The following EPHA6 variants were observed in gnomAD, a reference collection of about 807,000 sequenced individuals.
The protein encoded by EPHA6 is ephrin type-A receptor 6.
EPHA6 carries 50 observed loss-of-function variants against 112.0 expected under a neutral mutation model. The ratio of observed to expected loss-of-function variants is 0.45; its 90% CI spans 0.36 to 0.56. The LOEUF (loss-of-function observed/expected upper bound fraction) is 0.56. EPHA6 is among the 20% of genes least tolerant of loss of function. EPHA6 has a pLI of 0.00. For synonymous variants in EPHA6, 529 were observed against 490.7 expected, an observed-to-expected ratio of 1.08 and a Z score of -1.03; for missense variants, 1,280 against 1,417.4, an observed-to-expected ratio of 0.90 and a Z score of 1.56.
At chr3:97,380,345 T>C (rs1022010525) in intron 5 of EPHA6, among the ~76,000 whole-genome samples, 1 of 152,210 alleles carries the variant, frequency 6.6e-6, no homozygotes, top group Admixed American at 6.5e-5. Context: ...AGATGTTCCC[T>C]GGACATAGAC....
chr3:97,083,609 T>C (rs902819507), intron 3 of EPHA6, among the ~76,000 whole-genome samples: 3 of 152,002 alleles, frequency 2.0e-5, no homozygotes, highest in African/African-American at 7.2e-5. Flanking sequence ...TCTTTTTTTC[T>C]ACTCCGAATC....
intron 2 of EPHA6, among the ~76,000 whole-genome samples, chr3:96,903,071 T>C (rs1003102587): frequency 5.9e-5 from 9 of 152,294 alleles, no homozygotes; most frequent in African/African-American, 2.2e-4. Flanking sequence ...TATAGACTTA[T>C]GGTGAAGTGG....
intron 3 of EPHA6, among the ~76,000 whole-genome samples, chr3:97,206,233 CTT>C (rs1640606483): frequency 1.3e-5 from 2 of 151,962 alleles, no homozygotes; most frequent in South Asian, 4.1e-4. Flanking sequence ...GGGTCAATGA[CTT>C]TGTCTCCTAC....
intron 2 of EPHA6, among the ~76,000 whole-genome samples, chr3:96,903,934 A>G (rs562508198): frequency 2.6e-5 from 4 of 152,248 alleles, no homozygotes; most frequent in Non-Finnish European, 5.9e-5. Context: ...TTAGAATGGC[A>G]ATCATTAAAA....
At chr3:97,428,381 T>C (rs2089294425) in intron 6 of EPHA6, among the ~76,000 whole-genome samples, 1 of 152,168 alleles carries the variant, frequency 6.6e-6, no homozygotes, top group Non-Finnish European at 1.5e-5. Context: ...TAAATTACTA[T>C]ATTAATGTAC....
chr3:97,708,531 G>A (rs2033799414), intron 14 of EPHA6, among the ~76,000 whole-genome samples: 1 of 152,214 alleles, frequency 6.6e-6, no homozygotes, highest in Admixed American at 6.5e-5. Context: ...TGACCTTTTG[G>A]TAGAAAAGAA....
chr3:97,284,159 T>G (rs1329321044), intron 5 of EPHA6, among the ~76,000 whole-genome samples: 2 of 152,118 alleles, frequency 1.3e-5, no homozygotes, highest in East Asian at 3.9e-4. Context: ...CTATTTAAAG[T>G]TTCCCATCTG....
At chr3:97,012,993 T>A (rs2044143872) in intron 3 of EPHA6, among the ~76,000 whole-genome samples, 1 of 152,172 alleles carries the variant, frequency 6.6e-6, no homozygotes, top group African/African-American at 2.4e-5. Context: ...ATTCTGAATA[T>A]TAGACCTTTT....
At chr3:97,212,228 A>T (rs996302249) in intron 3 of EPHA6, among the ~76,000 whole-genome samples, 2 of 152,180 alleles carry the variant, frequency 1.3e-5, no homozygotes, top group Non-Finnish European at 2.9e-5. Flanking sequence ...GAATCTGATT[A>T]TAGATTCACT....
intron 3 of EPHA6, among the ~76,000 whole-genome samples, chr3:97,079,980 T>A (rs533888753): frequency 6.6e-6 from 1 of 152,008 alleles, no homozygotes; most frequent in Non-Finnish European, 1.5e-5. Context: ...TTTAATAGAA[T>A]GCACTGTAGT....
rs534155480 is a variant in EPHA6, at chr3:97,756,017, G to T, written c.*7316G>T. 1.3e-5 allele frequency among the ~76,000 whole-genome samples: 2 copies of T among 152,064 alleles called. No homozygotes were observed. Among genetic ancestry groups the T allele is most frequent in the African/African-American group, 2.4e-5 (1 of 41,554 alleles). On this transcript the variant is annotated 3_prime_UTR_variant, in exon 18 of 18. Coordinates refer to ENST00000389672, the MANE Select transcript of EPHA6 (RefSeq NM_001080448.3). ...AGGATGAACTGTATGCATTTAGATA[G>T]AAATTGCTTTTGTTAAATTTACATT...
intron 6 of EPHA6, among the ~76,000 whole-genome samples, chr3:97,443,598 A>G (rs2090217782): frequency 6.6e-6 from 1 of 152,116 alleles, no homozygotes; most frequent in East Asian, 1.9e-4. Context: ...TTTGCCTCCT[A>G]TATTACTTAA....
chr3:97,666,762 G>A (rs1429202877), intron 14 of EPHA6, among the ~76,000 whole-genome samples: 1 of 152,152 alleles, frequency 6.6e-6, no homozygotes, highest in African/African-American at 2.4e-5. Flanking sequence ...GAATTTGAGA[G>A]GACAAAATTC....
chr3:97,715,520 T>C (rs1387566935), intron 14 of EPHA6, among the ~76,000 whole-genome samples: 1 of 152,204 alleles, frequency 6.6e-6, no homozygotes, highest in East Asian at 1.9e-4. Context: ...TTACTGTCTA[T>C]TCAAACCGTT....
intron 5 of EPHA6, among the ~76,000 whole-genome samples, chr3:97,357,508 T>C (rs79903221): frequency 6.6e-6 from 1 of 152,280 alleles, no homozygotes; most frequent in Non-Finnish European, 1.5e-5. Context: ...AACTAGACAA[T>C]GTATAGTTGG....
chr3:96,960,531 C>T (rs1025342465), intron 2 of EPHA6, among the ~76,000 whole-genome samples: 1 of 152,138 alleles, frequency 6.6e-6, no homozygotes, highest in Admixed American at 6.6e-5. Context: ...GCAGATCCTA[C>T]CCCAATCTTC....
rs1474686346 is a variant in EPHA6 at position 97,747,530 on chromosome 3, C to A, written c.3236C>A (p.Ala1079Glu). Reference protein sequence around the residue: ...MGQYKNNFVAAGFTTFDLISR... With the variant: ...MGQYKNNFVAEGFTTFDLISR... ...CAATACAAGAATAACTTCGTGGCAG[C>A]AGGGTTTACAACATTTGACCTGATT... The change falls in exon 17 of 18, where the codon GCA becomes GAA. Residue 1079 changes from alanine (A) to glutamate (E), a missense_variant. Physicochemically the swap from Ala to Glu is moderately radical, Grantham distance 107. Coordinates refer to ENST00000389672, the MANE Select transcript of EPHA6 (RefSeq NM_001080448.3). The A allele has an allele frequency of 6.2e-7, 1 of 1,610,424 alleles. No individual in the cohort carries two copies. Among genetic ancestry groups the A allele is most frequent in the Non-Finnish European group, 8.5e-7 (1 of 1,178,042 alleles).
intron 1 of EPHA6, among the ~76,000 whole-genome samples, chr3:96,823,534 A>G (rs537018316): frequency 1.3e-5 from 2 of 151,938 alleles, no homozygotes; most frequent in South Asian, 2.1e-4. Flanking sequence ...GAGTTAAAGC[A>G]TACTTAAATA....
chr3:96,928,964 G>C (rs1283843459), intron 2 of EPHA6, among the ~76,000 whole-genome samples: 1 of 152,006 alleles, frequency 6.6e-6, no homozygotes, highest in Non-Finnish European at 1.5e-5. Flanking sequence ...TTTTCCATTT[G>C]CTTGGTTAAT....
Sources: gnomAD v4.1 joint callset for allele counts (sites outside exome capture counted in the v4.1 genomes callset) on GRCh38, gnomAD v4.1.1 for gene constraint, MANE v1.5 for transcripts, NCBI Gene and HGNC (gene_info 2026-07-23, HGNC 2026-07-21) for gene names.